Variants in ANKRD12 observed in about 807,000 individuals in gnomAD.
The protein encoded by ANKRD12 is ankyrin repeat domain 12, also known as ankyrin repeat domain-containing protein 12.
In ANKRD12, 85 loss-of-function variants were observed where a neutral mutation model predicts 183.4. The observed-to-expected ratio is 0.46, with a 90% CI of 0.39 to 0.56. The LOEUF (loss-of-function observed/expected upper bound fraction) is 0.56. Among genes scored for constraint, ANKRD12 ranks in the 20% least tolerant of loss-of-function variants. ANKRD12 has a pLI of 0.00. For synonymous variants in ANKRD12, 914 were observed against 800.2 expected, an observed-to-expected ratio of 1.14 and a Z score of -2.40; for missense variants, 2,405 against 2,357.1, an observed-to-expected ratio of 1.02 and a Z score of -0.42.
At chr18:9,151,035 A>G (rs1416996581) in intron 1 of ANKRD12, among the ~76,000 whole-genome samples, 3 of 152,234 alleles carry the variant, frequency 2.0e-5, no homozygotes, top group Admixed American at 2.0e-4. Flanking sequence ...ATGTTATGGA[A>G]TAACTGCCAG....
intron 6 of ANKRD12, among the ~76,000 whole-genome samples, chr18:9,215,309 C>T (rs987176478): frequency 6.6e-6 from 1 of 152,072 alleles, no homozygotes; most frequent in African/African-American, 2.4e-5. Context: ...AGGACTGCCC[C>T]CTGAACCCTG....
In ANKRD12 at chr18:9,256,581, A is replaced by G; in HGVS notation, c.3314A>G (p.Lys1105Arg). ...AAACATAAGGAAAAAATTAAGCAAA[A>G]AGAAAAGGAACGGTTGAGAAACCGA... ...HKKHKEKIKQKEKERLRNRNC... is the reference protein window; with the variant it reads ...HKKHKEKIKQREKERLRNRNC... Residue 1105 changes from lysine to arginine, a missense_variant, in exon 9 of 13, where the codon AAA becomes AGA. Coordinates refer to ENST00000262126, the MANE Select transcript of ANKRD12 (RefSeq NM_015208.5). 2 of 1,597,680 alleles carry G rather than the reference A, an allele frequency of 1.3e-6. No homozygotes were observed. Among genetic ancestry groups the G allele is most frequent in the Non-Finnish European group, 1.7e-6 (2 of 1,176,226 alleles).
intron 1 of ANKRD12, among the ~76,000 whole-genome samples, chr18:9,145,116 G>T (rs2078450480): frequency 6.6e-6 from 1 of 152,036 alleles, no homozygotes; most frequent in Admixed American, 6.5e-5. Context: ...TAGATATAAT[G>T]AAGTTTTTGT....
At chr18:9,154,938 T>A (rs374513904) in intron 1 of ANKRD12, among the ~76,000 whole-genome samples, 2 of 152,208 alleles carry the variant, frequency 1.3e-5, no homozygotes, top group African/African-American at 4.8e-5. Context: ...ATCTGGAGTT[T>A]TAGAGAAGGT....
rs1456082686 is a variant in ANKRD12 at position 9,255,028 on chromosome 18, A to G, written c.1761A>G (p.Glu587=). Residue 587 remains glutamate (E), a synonymous_variant, in exon 9 of 13, where the codon GAA becomes GAG. Transcript: ENST00000262126. The stretch of plus-strand genomic sequence containing the variant: ...ATCTTGTTCGGTATGATAATACAGA[A>G]TCTGAATTCTTGCCAGAAAGTTCAA... ...QPDLVRYDNT[E]SEFLPESSSV... 2 of 1,598,494 alleles carry G rather than the reference A, an allele frequency of 1.3e-6. No individual in the cohort carries two copies. The highest frequency in any genetic ancestry group is 1.3e-5 in the African/African-American group (1 of 74,256).
At chr18:9,203,749 C>T (rs1290889765) in intron 3 of ANKRD12, among the ~76,000 whole-genome samples, 1 of 152,168 alleles carries the variant, frequency 6.6e-6, no homozygotes, top group East Asian at 1.9e-4. Flanking sequence ...GGATTACAGG[C>T]ATATGCCACC....
At chr18:9,265,380 A>G (rs1359429132) in intron 10 of ANKRD12, among the ~76,000 whole-genome samples, 1 of 152,220 alleles carries the variant, frequency 6.6e-6, no homozygotes, top group Non-Finnish European at 1.5e-5. Context: ...CCCCCCCAGT[A>G]GGTGCAGACT....
chr18:9,168,783 G>A (rs1221705385), intron 1 of ANKRD12, among the ~76,000 whole-genome samples: 1 of 152,002 alleles, frequency 6.6e-6, no homozygotes, highest in African/African-American at 2.4e-5. Context: ...GTTTGCTCTT[G>A]CTTCTCTAGT....
chr18:9,270,262 G>A (rs1212365549), intron 10 of ANKRD12, among the ~76,000 whole-genome samples: 8 of 152,208 alleles, frequency 5.3e-5, no homozygotes, highest in African/African-American at 1.7e-4. Flanking sequence ...CCCATTACTG[G>A]GTATATACCG....
chr18:9,258,555 A>C lies in ANKRD12; in HGVS notation c.5288A>C (p.Glu1763Ala). The change falls in exon 9 of 13, where the codon GAA becomes GCA. Residue 1763 changes from glutamate to alanine, a missense_variant. Coordinates refer to ENST00000262126, the MANE Select transcript of ANKRD12 (RefSeq NM_015208.5). Reference protein sequence around the residue: ...SCTLLSEKDSESSSPRGRIRL... With the variant: ...SCTLLSEKDSASSSPRGRIRL... ...ACACTATTATCAGAAAAAGACAGTG[A>C]ATCCTCATCTCCTAGAGGAAGAATA... 1 of 1,613,870 alleles carries C rather than the reference A, an allele frequency of 6.2e-7. No homozygotes were observed. Among genetic ancestry groups the C allele is most frequent in the South Asian group, 1.1e-5 (1 of 91,052 alleles).
At chr18:9,231,576 C>T (rs915339163) in intron 8 of ANKRD12, among the ~76,000 whole-genome samples, 1 of 151,314 alleles carries the variant, frequency 6.6e-6, no homozygotes, top group African/African-American at 2.4e-5. Context: ...GCCTGTAATC[C>T]CAGCACTTTG....
intron 1 of ANKRD12, among the ~76,000 whole-genome samples, chr18:9,181,291 C>T (rs745636033): frequency 5.3e-5 from 8 of 152,052 alleles, no homozygotes; most frequent in Middle Eastern, 3.2e-3. Context: ...TTTTTGGTTT[C>T]GTTTCTATCA....
chr18:9,261,840 TGAG>T (rs1254815990), intron 9 of ANKRD12, among the ~76,000 whole-genome samples: 7 of 152,194 alleles, frequency 4.6e-5, no homozygotes, highest in African/African-American at 1.7e-4. Context: ...TTTGCCCTCT[TGAG>T]GAAGCTTTCT....
chr18:9,281,237 T>G lies in ANKRD12; in HGVS notation c.*111T>G. The G allele has an allele frequency of 1.1e-6, 1 of 894,828 alleles. No homozygotes were observed. The highest frequency in any genetic ancestry group is 1.7e-6 in the Non-Finnish European group (1 of 594,756). The allele number at this position is 894,828 out of a possible 1,614,324, so 55.4% of individuals were successfully genotyped here. On this transcript the variant is annotated 3_prime_UTR_variant, in exon 13 of 13. Coordinates refer to ENST00000262126, the MANE Select transcript of ANKRD12 (RefSeq NM_015208.5). Reference sequence around the variant, plus strand: ...CATGCCTTTACAATTGTTAGTAAAGTTCGATTATAGTTGGTTATGTAGTAA... The same window carrying G: ...CATGCCTTTACAATTGTTAGTAAAGGTCGATTATAGTTGGTTATGTAGTAA...
At chr18:9,266,420 A>G (rs960923440) in intron 10 of ANKRD12, among the ~76,000 whole-genome samples, 87 of 152,370 alleles carry the variant, frequency 5.7e-4, no homozygotes, top group African/African-American at 1.7e-3. Flanking sequence ...CTGATCTCTC[A>G]GCAGAAACTC....
At chr18:9,169,463 G>T in intron 1 of ANKRD12, among the ~76,000 whole-genome samples, 1 of 152,130 alleles carries the variant, frequency 6.6e-6, no homozygotes. Context: ...TTACCATTCT[G>T]TAATGGCCTT....
Position 9,257,796 on chromosome 18 carries a change from C to T in ANKRD12, c.4529C>T (p.Ser1510Phe), listed in dbSNP as rs1567981771. 1 of 1,613,876 alleles carries T rather than the reference C, an allele frequency of 6.2e-7. No homozygotes were observed. Among genetic ancestry groups the T allele is most frequent in the South Asian group, 1.1e-5 (1 of 91,074 alleles). ...SDAESISKHMSLSYVANQEPG... is the reference protein window; with the variant it reads ...SDAESISKHMFLSYVANQEPG... ...GCTGAATCGATTTCTAAACATATGT[C>T]TTTGTCATATGTTGCTAATCAAGAG... The change falls in exon 9 of 13, where the codon TCT becomes TTT. Residue 1510 changes from serine to phenylalanine, a missense_variant. Ser to Phe is a radical substitution (Grantham distance 155). This residue lies in a region of ANKRD12 where 1,983 missense variants were observed against 1,725.9 expected (regional missense o/e 1.15). Transcript: ENST00000262126.
chr18:9,207,978 T>A (rs1482754274), intron 4 of ANKRD12, among the ~76,000 whole-genome samples: 1 of 152,200 alleles, frequency 6.6e-6, no homozygotes, highest in African/African-American at 2.4e-5. Flanking sequence ...GATAGTTAAA[T>A]CTGAAAGCTA....
intron 6 of ANKRD12, 25 bp downstream of exon 6, chr18:9,211,809 C>T (rs749633686): frequency 6.4e-7 from 1 of 1,553,566 alleles, no homozygotes; most frequent in Non-Finnish European, 8.8e-7. Context: ...TCAATACCTA[C>T]TATTCAGGCA....
Sources: gnomAD v4.1 joint callset for allele counts (sites outside exome capture counted in the v4.1 genomes callset) on GRCh38, gnomAD v4.1.1 for gene constraint, gnomAD v4.1.1 regional missense constraint, MANE v1.5 for transcripts, NCBI Gene and HGNC (gene_info 2026-07-23, HGNC 2026-07-21) for gene names.